Variants in FLNB observed in about 807,000 individuals in gnomAD.
FLNB encodes the protein filamin-B.
In FLNB, 111 loss-of-function variants were observed where a neutral mutation model predicts 250.6. The observed-to-expected ratio is 0.44, with a 90% CI of 0.38 to 0.52. The LOEUF is 0.52. Ranked by LOEUF, FLNB falls within the 20% of genes least tolerant of loss-of-function variation. The pLI is 0.00. For missense variants in FLNB, 2,869 were observed against 3,447.8 expected (o/e 0.83, Z 4.20); for synonymous variants, 1,302 against 1,372.1 (o/e 0.95, Z 1.13).
intron 33 of FLNB, 119 bp from the exon 34 acceptor site, chr3:58,146,701 G>C: frequency 1.0e-6 from 1 of 1,002,558 alleles, no homozygotes; most frequent in South Asian, 1.4e-5. Flanking sequence ...AGCTCACGTG[G>C]AGTGCGTCAA....
intron 14 of FLNB, 121 bp from the exon 15 acceptor site, chr3:58,109,455 G>C (rs2097264865): frequency 6.3e-7 from 1 of 1,593,166 alleles, no homozygotes; most frequent in East Asian, 2.2e-5. Context: ...ATGATGGAGG[G>C]GCCCGAAGGG....
At chr3:58,092,944 T>C (rs2097230667) in intron 4 of FLNB, among the ~76,000 whole-genome samples, 1 of 152,198 alleles carries the variant, frequency 6.6e-6, no homozygotes, top group Non-Finnish European at 1.5e-5. Flanking sequence ...TCCCTTCAAT[T>C]CTGACACTAT....
rs755062959 is a variant in FLNB, at chr3:58,148,294, G to C, written c.5817G>C (p.Thr1939=). 8.1e-6 allele frequency: 13 copies of C among 1,614,118 alleles called. No individual in the cohort carries two copies. Among genetic ancestry groups the C allele is most frequent in the Non-Finnish European group, 1.1e-5 (13 of 1,180,020 alleles). Residue 1939 remains threonine (T), a synonymous_variant, in exon 35 of 46, where the codon ACG becomes ACC. Transcript: ENST00000295956. ...GTGAGACTGACCTCAGCAGCCTGAC[G>C]GCCAGCATTAAGGCCCCATCTGGCC... is the stretch of plus-strand genomic sequence containing the variant. The part of the protein sequence containing the change: ...DISETDLSSL[T]ASIKAPSGRD...
intron 19 of FLNB, among the ~76,000 whole-genome samples, chr3:58,119,302 G>A (rs2097284363): frequency 6.6e-6 from 1 of 152,164 alleles, no homozygotes; most frequent in Non-Finnish European, 1.5e-5. Flanking sequence ...CACGTAGTCA[G>A]CCCCCTGGCA....
At chr3:58,033,200 CCAT>C (rs1478996427) in intron 1 of FLNB, among the ~76,000 whole-genome samples, 1 of 152,184 alleles carries the variant, frequency 6.6e-6, no homozygotes, top group Non-Finnish European at 1.5e-5. Context: ...CATCAGGAAA[CCAT>C]CACCATAATC....
intron 1 of FLNB, among the ~76,000 whole-genome samples, chr3:58,017,276 G>A (rs546648356): frequency 1.3e-5 from 2 of 152,122 alleles, no homozygotes; most frequent in Non-Finnish European, 2.9e-5. Context: ...TTGAGATGGA[G>A]TTTCGCTCTT....
chr3:58,122,200 A>C (rs923362889), intron 20 of FLNB, among the ~76,000 whole-genome samples: 7 of 143,334 alleles, frequency 4.9e-5, no homozygotes, highest in East Asian at 2.1e-4. Context: ...ACAAAAAAAA[A>C]CATTATTCTT....
At chr3:58,120,967 C>T (rs2097287866) in intron 19 of FLNB, among the ~76,000 whole-genome samples, 1 of 152,182 alleles carries the variant, frequency 6.6e-6, no homozygotes, top group Non-Finnish European at 1.5e-5. Context: ...AAGACAATAA[C>T]CTATTTGTGC....
chr3:58,057,816 G>A (rs1576646323), intron 1 of FLNB, among the ~76,000 whole-genome samples: 3 of 152,176 alleles, frequency 2.0e-5, no homozygotes, highest in African/African-American at 4.8e-5. Context: ...TTGAGACAGA[G>A]TTTTGCTCTT....
At chr3:58,130,704 C>A in intron 24 of FLNB, 37 bp from the exon 25 acceptor site, 1 of 1,602,904 alleles carries the variant, frequency 6.2e-7, no homozygotes, top group Non-Finnish European at 8.5e-7. Flanking sequence ...TCTCCAATTC[C>A]CAGCTTGTGC....
At chr3:58,145,787 C>T (rs2097334853) in intron 32 of FLNB, 134 bp from the exon 33 acceptor site, 1 of 1,048,076 alleles carries the variant, frequency 9.5e-7, no homozygotes, top group African/African-American at 1.6e-5. Context: ...ATGTGCATCT[C>T]CTTCTGTCTC....
chr3:58,022,840 C>CA (rs1471032208), intron 1 of FLNB, among the ~76,000 whole-genome samples: 1 of 151,044 alleles, frequency 6.6e-6, no homozygotes, highest in African/African-American at 2.4e-5. Context: ...TTTTTTGAGA[C>CA]AGAGTCTTGC....
chr3:58,109,484 T>C, intron 14 of FLNB, 92 bp from the exon 15 acceptor site: 1 of 1,607,994 alleles, frequency 6.2e-7, no homozygotes, highest in South Asian at 1.1e-5. Flanking sequence ...TCCAGCCTGC[T>C]CAGAAGAACT....
At chr3:58,109,867 C>T in intron 15 of FLNB, 143 bp from the exon 16 acceptor site, 1 of 1,403,132 alleles carries the variant, frequency 7.1e-7, no homozygotes, top group Non-Finnish European at 1.0e-6. Context: ...TCCATCATCC[C>T]TTTCCCCAAA....
rs113666540 is a variant in FLNB at position 58,124,945 on chromosome 3, G to A, written c.3898+440G>A. ...ATTTTCAGTCTTCTTGTGGATGCCTGTTTCTTCTGTTTCACGGGTTTCGCT... is the reference window on the plus strand; with the variant it reads ...ATTTTCAGTCTTCTTGTGGATGCCTATTTCTTCTGTTTCACGGGTTTCGCT... On this transcript the variant is annotated intron_variant, in intron 22 of 45. Transcript: ENST00000295956. 2.8e-3 allele frequency among the ~76,000 whole-genome samples: 428 copies of A among 152,278 alleles called. 1 individual carries two copies. Among genetic ancestry groups the A allele is most frequent in the Non-Finnish European group, 4.7e-3 (323 of 68,022 alleles).
chr3:58,153,673 A>T (rs368891077), intron 39 of FLNB, 32 bp downstream of exon 39: 177 of 1,612,882 alleles, frequency 1.1e-4, no homozygotes, highest in Non-Finnish European at 1.4e-4. Context: ...TTCACTTGGG[A>T]AGAATAGAGT....
intron 4 of FLNB, among the ~76,000 whole-genome samples, chr3:58,084,845 G>A (rs1293888291): frequency 1.3e-5 from 2 of 151,994 alleles, no homozygotes; most frequent in African/African-American, 4.8e-5. Context: ...CCTCCTAGAA[G>A]TGAAATCATA....
At chr3:58,153,230 C>A in intron 38 of FLNB, 145 bp from the exon 39 acceptor site, 1 of 950,826 alleles carries the variant, frequency 1.1e-6, no homozygotes, top group Non-Finnish European at 1.6e-6. Context: ...GGCAGGCACC[C>A]AGCCTGAAGG....
intron 1 of FLNB, among the ~76,000 whole-genome samples, chr3:58,049,977 C>A (rs914004835): frequency 1.3e-5 from 2 of 150,734 alleles, no homozygotes; most frequent in African/African-American, 2.4e-5. Context: ...TAGACACTCA[C>A]AAAACTTCCT....
Sources: gnomAD v4.1 joint callset for allele counts (sites outside exome capture counted in the v4.1 genomes callset) on GRCh38, gnomAD v4.1.1 for gene constraint, MANE v1.5 for transcripts, NCBI Gene and HGNC (gene_info 2026-07-23, HGNC 2026-07-21) for gene names.